FOCAD: variants seen among roughly 807,000 people sequenced by gnomAD.
FOCAD encodes the protein KIAA1797.
Under a neutral mutation model 225.6 loss-of-function variants are expected in FOCAD, and 198 were observed. That is an observed-to-expected ratio of 0.88 (90% CI 0.78 to 0.99). The LOEUF is 0.99. Ranked by LOEUF, FOCAD falls within the 50% of genes least tolerant of loss-of-function variation. FOCAD has a pLI of 0.00. For synonymous variants in FOCAD, 897 were observed against 755.0 expected (o/e 1.19, Z -3.08); for missense variants, 2,713 against 2,123.6 (o/e 1.28, Z -5.46).
chr9:20,665,303 T>G (rs1036058490), intron 2 of FOCAD, among the ~76,000 whole-genome samples: 15 of 152,182 alleles, frequency 9.9e-5, no homozygotes, highest in Non-Finnish European at 2.1e-4. Flanking sequence ...CCTTCTAATT[T>G]GCAAAGCCTT....
At chr9:20,797,327 A>T (rs1408884959) in intron 11 of FOCAD, among the ~76,000 whole-genome samples, 1 of 152,172 alleles carries the variant, frequency 6.6e-6, no homozygotes, top group Non-Finnish European at 1.5e-5. Flanking sequence ...TATGAACTTT[A>T]AAGTAGTTTT....
intron 24 of FOCAD, among the ~76,000 whole-genome samples, chr9:20,923,361 G>T (rs1834633724): frequency 6.6e-6 from 1 of 152,144 alleles, no homozygotes. Context: ...CCTAGGAAAT[G>T]TAATGTTAAT....
intron 6 of FOCAD, among the ~76,000 whole-genome samples, chr9:20,764,009 T>C (rs774242822): frequency 3.9e-5 from 6 of 152,196 alleles, no homozygotes; most frequent in Admixed American, 6.5e-5. Flanking sequence ...AAGGATAATA[T>C]TATTTTTTAT....
rs564332759 is a variant in FOCAD, at chr9:20,766,629, C to G, written c.699+1556C>G. Among the ~76,000 whole-genome samples, 96 of 151,958 alleles carry G rather than the reference C, an allele frequency of 6.3e-4. 4 individuals are homozygous for G. In the South Asian group the frequency reaches 0.019, roughly 31 times the overall value. The stretch of plus-strand genomic sequence containing the variant: ...TTATTTTTCTCCCTTCTTTCCTTCC[C>G]GTTTTTCCTTCCTTCCTTTCCTCCT... On this transcript the variant is annotated intron_variant, in intron 7 of 43. Transcript: ENST00000338382.
chr9:20,964,561 G>T (rs921432940), intron 35 of FOCAD, among the ~76,000 whole-genome samples: 8 of 151,814 alleles, frequency 5.3e-5, no homozygotes, highest in Non-Finnish European at 5.9e-5. Context: ...TTTTGAGATG[G>T]AGTCTTGCTC....
At chr9:20,942,733 G>GA (rs962387473) in intron 28 of FOCAD, among the ~76,000 whole-genome samples, 1 of 152,050 alleles carries the variant, frequency 6.6e-6, no homozygotes, top group Non-Finnish European at 1.5e-5. Context: ...CTGTGGTAGG[G>GA]AAAAAAACAG....
At chr9:20,801,215 G>A (rs1440007470) in intron 11 of FOCAD, among the ~76,000 whole-genome samples, 3 of 152,114 alleles carry the variant, frequency 2.0e-5, no homozygotes, top group Non-Finnish European at 4.4e-5. Flanking sequence ...ATTCATCTAA[G>A]CTAGATAATA....
At chr9:20,769,639 C>G (rs1192432341) in intron 7 of FOCAD, among the ~76,000 whole-genome samples, 1 of 152,328 alleles carries the variant, frequency 6.6e-6, no homozygotes, top group South Asian at 2.1e-4. Flanking sequence ...AACATGCTGA[C>G]TCTTTACTAT....
chr9:20,778,032 G>C (rs1818951144), intron 8 of FOCAD, among the ~76,000 whole-genome samples: 1 of 142,852 alleles, frequency 7.0e-6, no homozygotes, highest in African/African-American at 2.6e-5. Flanking sequence ...GGAGCTTGCA[G>C]TGAGCGGAGA....
intron 22 of FOCAD, among the ~76,000 whole-genome samples, chr9:20,908,695 A>G (rs1833183562): frequency 6.6e-6 from 1 of 152,130 alleles, no homozygotes; most frequent in Non-Finnish European, 1.5e-5. Flanking sequence ...GCATGAGTGA[A>G]TGAATGAATG....
chr9:20,678,291 A>C (rs1157715435), intron 2 of FOCAD, among the ~76,000 whole-genome samples: 1 of 152,250 alleles, frequency 6.6e-6, no homozygotes, highest in Non-Finnish European at 1.5e-5. Context: ...TATTAGAGAT[A>C]CATGGCTACA....
chr9:20,762,050 T>A (rs1829653068), intron 6 of FOCAD, among the ~76,000 whole-genome samples: 1 of 152,214 alleles, frequency 6.6e-6, no homozygotes, highest in Admixed American at 6.5e-5. Context: ...TGTCAAATCA[T>A]AATGGCATCT....
chr9:20,849,981 C>T (rs1827490628), intron 15 of FOCAD, among the ~76,000 whole-genome samples: 2 of 151,806 alleles, frequency 1.3e-5, no homozygotes, highest in African/African-American at 4.8e-5. Flanking sequence ...CCATCTTGCT[C>T]TTCTACTGAG....
intron 21 of FOCAD, 196 bp downstream of exon 21, chr9:20,885,426 C>A: frequency 2.8e-6 from 1 of 362,118 alleles, no homozygotes; most frequent in Non-Finnish European, 4.5e-6. Flanking sequence ...TGTTTTCCCC[C>A]ACTGCCCAGC....
At chr9:20,751,104 T>C (rs935287955) in intron 5 of FOCAD, among the ~76,000 whole-genome samples, 4 of 152,096 alleles carry the variant, frequency 2.6e-5, no homozygotes, top group Non-Finnish European at 5.9e-5. Flanking sequence ...CTTTTGATTC[T>C]TTTAATTCAG....
At chr9:20,690,927 G>T (rs561668439) in intron 1 of FOCAD, among the ~76,000 whole-genome samples, 2 of 146,204 alleles carry the variant, frequency 1.4e-5, no homozygotes, top group Admixed American at 6.9e-5. Flanking sequence ...TTTTGAGACA[G>T]CTAGTCACTC....
intron 40 of FOCAD, among the ~76,000 whole-genome samples, chr9:20,986,839 G>C (rs1016497999): frequency 6.6e-6 from 1 of 152,036 alleles, no homozygotes; most frequent in African/African-American, 2.4e-5. Context: ...ACAAACAAGA[G>C]AAAACAGAAA....
intron 4 of FOCAD, among the ~76,000 whole-genome samples, chr9:20,733,753 G>A (rs1263989166): frequency 1.3e-5 from 2 of 152,060 alleles, no homozygotes; most frequent in Non-Finnish European, 2.9e-5. Flanking sequence ...TGTAATCCTA[G>A]CATTTTGAGA....
chr9:20,891,677 G>A (rs1017537550), intron 21 of FOCAD, among the ~76,000 whole-genome samples: 1 of 152,192 alleles, frequency 6.6e-6, no homozygotes. Flanking sequence ...GGTAGCAGAG[G>A]TTGGTTCCTG....
Sources: gnomAD v4.1 joint callset for allele counts (sites outside exome capture counted in the v4.1 genomes callset) on GRCh38, gnomAD v4.1.1 for gene constraint, MANE v1.5 for transcripts, NCBI Gene and HGNC (gene_info 2026-07-23, HGNC 2026-07-21) for gene names.